Variants in PTPRC observed in about 807,000 individuals in gnomAD.
The protein encoded by PTPRC is protein tyrosine phosphatase receptor type C.
Under a neutral mutation model 155.9 loss-of-function variants are expected in PTPRC, and 44 were observed. The ratio of observed to expected loss-of-function variants is 0.28; its 90% CI spans 0.22 to 0.36. The LOEUF is 0.36. Ranked by LOEUF, PTPRC falls within the 10% of genes least tolerant of loss-of-function variation. PTPRC has a pLI of 1.00. For missense variants in PTPRC, 1,401 were observed against 1,564.6 expected (o/e 0.90, Z 1.76); for synonymous variants, 525 against 533.1 (o/e 0.98, Z 0.21).
intron 13 of PTPRC, among the ~76,000 whole-genome samples, 161 bp from the exon 14 acceptor site, chr1:198,717,933 G>C (rs1250972154): frequency 6.6e-6 from 1 of 151,742 alleles, no homozygotes; most frequent in African/African-American, 2.4e-5. Context: ...TATTCTTCAG[G>C]GTTTTGATAT....
rs577670958 is a variant in PTPRC at position 198,746,393 on chromosome 1, G to C, written c.2848-1716G>C. Among the ~76,000 whole-genome samples, 4 of 151,768 alleles carry C rather than the reference G, an allele frequency of 2.6e-5. No individual in the cohort carries two copies. In the South Asian group the frequency reaches 8.3e-4, roughly 32 times the overall value. On this transcript the variant is annotated intron_variant, in intron 26 of 32. Coordinates refer to ENST00000442510, the MANE Select transcript of PTPRC (RefSeq NM_002838.5). ...AGGTAAATGGGGTGTGAGGAGGAAA[G>C]TCAACTTTTTCTTAAAAGGGCTGCT...
intron 2 of PTPRC, among the ~76,000 whole-genome samples, chr1:198,658,461 T>C (rs1353812911): frequency 6.6e-6 from 1 of 152,210 alleles, no homozygotes; most frequent in Non-Finnish European, 1.5e-5. Context: ...AGACACAATG[T>C]ATACATACCT....
intron 26 of PTPRC, 120 bp downstream of exon 26, chr1:198,744,323 A>C (rs1655043916): frequency 9.9e-7 from 1 of 1,013,016 alleles, no homozygotes; most frequent in Non-Finnish European, 1.5e-6. Context: ...CCAGAACCAA[A>C]GGAGCACAGA....
chr1:198,694,183 G>A (rs1666080100), intron 3 of PTPRC: 9 of 1,477,836 alleles, frequency 6.1e-6, no homozygotes, highest in Non-Finnish European at 8.1e-6. Context: ...GGAGTCTGAT[G>A]TTCAAGAGCA....
chr1:198,657,363 T>A (rs1349038675), intron 2 of PTPRC, among the ~76,000 whole-genome samples: 2 of 152,056 alleles, frequency 1.3e-5, no homozygotes, highest in Non-Finnish European at 1.5e-5. Flanking sequence ...AAGCCACCAC[T>A]ATTTTCTGAA....
chr1:198,727,245 T>C (rs1320160101), intron 15 of PTPRC, among the ~76,000 whole-genome samples: 1 of 152,186 alleles, frequency 6.6e-6, no homozygotes, highest in Non-Finnish European at 1.5e-5. Flanking sequence ...TTATATTCTA[T>C]AGCATTTCCA....
chr1:198,676,017 A>T (rs1664932981), intron 2 of PTPRC, among the ~76,000 whole-genome samples: 1 of 152,210 alleles, frequency 6.6e-6, no homozygotes, highest in Admixed American at 6.5e-5. Flanking sequence ...ACTCAGTAAA[A>T]TAAATGTTTG....
intron 23 of PTPRC, among the ~76,000 whole-genome samples, chr1:198,736,057 G>A (rs1330824403): frequency 6.6e-6 from 1 of 151,162 alleles, no homozygotes; most frequent in Non-Finnish European, 1.5e-5. Context: ...TAATTTTTTG[G>A]GGTACATGGT....
intron 4 of PTPRC, among the ~76,000 whole-genome samples, chr1:198,697,394 C>G (rs1453214713): frequency 1.3e-5 from 2 of 152,048 alleles, no homozygotes; most frequent in Non-Finnish European, 2.9e-5. Flanking sequence ...ATCGACAACC[C>G]AATTTTGTTA....
chr1:198,718,278 A>G lies in PTPRC; in HGVS notation c.1635A>G (p.Gln545=), dbSNP rs745672445. The G allele has an allele frequency of 5.6e-6, 9 of 1,613,502 alleles. No homozygotes were observed. Among genetic ancestry groups the G allele is most frequent in the Non-Finnish European group, 5.9e-6 (7 of 1,179,512 alleles). ...KNCDFRVKDL[Q]YSTDYTFKAY... ...GCGATTTCCGTGTAAAAGATCTTCA[A>G]TATTCAACAGACTACACTTTTAAGG... Residue 545 remains glutamine (Q), a synonymous_variant, in exon 14 of 33, where the codon CAA becomes CAG. Transcript: ENST00000442510.
chr1:198,660,018 CATATATATGTCCATATATATAT>C (rs1663857026), intron 2 of PTPRC, among the ~76,000 whole-genome samples: 1 of 77,666 alleles, frequency 1.3e-5, no homozygotes, highest in African/African-American at 5.3e-5. Flanking sequence ...TATATTTGTC[CATATATATGTCCATATATATAT>C]ATATATATAT....
At chr1:198,647,545 A>G (rs557397513) in intron 2 of PTPRC, among the ~76,000 whole-genome samples, 2 of 152,100 alleles carry the variant, frequency 1.3e-5, no homozygotes, top group South Asian at 2.1e-4. Flanking sequence ...GAAATTGCTT[A>G]GAGCCCATGC....
chr1:198,704,706 C>T (rs772706239), intron 8 of PTPRC, among the ~76,000 whole-genome samples: 1 of 152,024 alleles, frequency 6.6e-6, no homozygotes, highest in Non-Finnish European at 1.5e-5. Context: ...AATACAAGAG[C>T]GATGATGGAG....
intron 25 of PTPRC, among the ~76,000 whole-genome samples, chr1:198,743,229 T>C (rs1654992869): frequency 6.6e-6 from 1 of 151,810 alleles, no homozygotes; most frequent in South Asian, 2.1e-4. Context: ...GGTTTGTGTC[T>C]GTCTGTTTGG....
At chr1:198,713,163 C>T (rs1653398539) in intron 12 of PTPRC, 91 bp downstream of exon 12, 3 of 1,574,652 alleles carry the variant, frequency 1.9e-6, no homozygotes, top group East Asian at 2.2e-5. Context: ...AGTCACAAAG[C>T]TCTCTGCTTA....
chr1:198,696,283 A>G (rs1666201141), intron 3 of PTPRC, among the ~76,000 whole-genome samples: 2 of 151,400 alleles, frequency 1.3e-5, no homozygotes, highest in Non-Finnish European at 2.9e-5. Flanking sequence ...AAAACCTTCT[A>G]ACTTTACCTT....
chr1:198,663,731 C>T (rs770617464), intron 2 of PTPRC, among the ~76,000 whole-genome samples: 45 of 152,158 alleles, frequency 3.0e-4, no homozygotes, highest in Non-Finnish European at 4.7e-4. Context: ...AGTGATTAAC[C>T]GCTTTGTGCC....
At position 198,742,038 on chromosome 1, in the gene PTPRC, G is replaced by C. The variant is rs201948478; in HGVS notation, c.2561+12G>C. The C allele has an allele frequency of 1.3e-6, 2 of 1,571,082 alleles. No individual in the cohort carries two copies. The highest frequency in any genetic ancestry group is 1.2e-5 in the South Asian group (1 of 86,912). ...GTGGTGCACTGCAGGTAGGAAAAACGAACAAAAAAAAAAAACAACAACAAA... is the reference window on the plus strand; with the variant it reads ...GTGGTGCACTGCAGGTAGGAAAAACCAACAAAAAAAAAAAACAACAACAAA... On this transcript the variant is annotated intron_variant, in intron 24 of 32. Transcript: ENST00000442510.
intron 26 of PTPRC, among the ~76,000 whole-genome samples, chr1:198,745,646 T>C (rs1655104906): frequency 6.6e-6 from 1 of 151,804 alleles, no homozygotes; most frequent in Non-Finnish European, 1.5e-5. Context: ...ATTAGTCAGT[T>C]GGTTGTATTG....
Sources: gnomAD v4.1 joint callset for allele counts (sites outside exome capture counted in the v4.1 genomes callset) on GRCh38, gnomAD v4.1.1 for gene constraint, MANE v1.5 for transcripts, NCBI Gene and HGNC (gene_info 2026-07-23, HGNC 2026-07-21) for gene names.